INPP5A: variants seen among roughly 807,000 people sequenced by gnomAD.
INPP5A encodes 43 kDa inositol polyphosphate 5-phophatase.
In INPP5A, 14 loss-of-function variants were observed where a neutral mutation model predicts 65.2. The observed-to-expected ratio is 0.21, with a 90% confidence interval of 0.14 to 0.34. INPP5A has a LOEUF of 0.34. Among genes scored for constraint, INPP5A ranks in the 10% least tolerant of loss-of-function variants. INPP5A has a pLI of 1.00. For synonymous variants in INPP5A, 207 were observed against 208.3 expected (o/e 0.99, Z 0.05); for missense variants, 431 against 545.6 (o/e 0.79, Z 2.09).
At position 132,603,970 on chromosome 10, in the gene INPP5A, G is replaced by A. The variant is rs559611419; in HGVS notation, c.76-3945G>A. 2.3e-4 allele frequency among the ~76,000 whole-genome samples: 35 copies of A among 150,818 alleles called. No homozygotes were observed. The highest frequency in any genetic ancestry group is 1.1e-3 in the Admixed American group (16 of 15,182). On this transcript the variant is annotated intron_variant, in intron 1 of 15. Coordinates refer to ENST00000368594, the MANE Select transcript of INPP5A (RefSeq NM_005539.5). This position sits in a 1 kb window ranked among gnomAD's most constrained non-coding sequence, Gnocchi z 4.2. ...AGGTCCCCTCTCCGTCCCGCCCTGC[G>A]CCGTCAGGGTCCCCTCTCCGTCCCG...
At chr10:132,756,436 G>A (rs933254389) in intron 11 of INPP5A, among the ~76,000 whole-genome samples, 4 of 151,138 alleles carry the variant, frequency 2.6e-5, no homozygotes, top group Middle Eastern at 3.4e-3. Context: ...ATACAGTCAC[G>A]TCACATAATG....
intron 11 of INPP5A, among the ~76,000 whole-genome samples, chr10:132,757,285 ACCAGCT>A (rs1846640598): frequency 6.6e-6 from 1 of 152,220 alleles, no homozygotes; most frequent in African/African-American, 2.4e-5. Flanking sequence ...CCGCCCGCTC[ACCAGCT>A]CACCCCGAGC....
chr10:132,549,012 C>T lies in INPP5A; in HGVS notation c.75+10841C>T, dbSNP rs574492192. ...CTCGCTATGTTGCCCAGGCTGGTCT[C>T]GAATTCCTGGCCTCAAGTGATCCTC... On this transcript the variant is annotated intron_variant, in intron 1 of 15. Coordinates refer to ENST00000368594, the MANE Select transcript of INPP5A (RefSeq NM_005539.5). The surrounding 1 kb of genome is among the most constrained non-coding windows in gnomAD (Gnocchi z 4.9). Among the ~76,000 whole-genome samples, 10 of 152,150 alleles carry T rather than the reference C, an allele frequency of 6.6e-5. No individual in the cohort carries two copies. Among genetic ancestry groups the T allele is most frequent in the Non-Finnish European group, 1.2e-4 (8 of 68,006 alleles).
chr10:132,611,689 G>A (rs1590867205), intron 2 of INPP5A, among the ~76,000 whole-genome samples: 1 of 134,066 alleles, frequency 7.5e-6, no homozygotes. Flanking sequence ...GGGTGAGGGA[G>A]GTGAGGTGGG....
chr10:132,610,323 C>G lies in INPP5A; in HGVS notation c.117+2367C>G, dbSNP rs543153215. On this transcript the variant is annotated intron_variant, in intron 2 of 15. Coordinates refer to ENST00000368594, the MANE Select transcript of INPP5A (RefSeq NM_005539.5). The stretch of plus-strand genomic sequence containing the variant: ...TGCGTGGCCCCCCGAATCCTGGGTC[C>G]CCTCTGCCCCTGCAGCTCTGTGGAG... 7.2e-5 allele frequency among the ~76,000 whole-genome samples: 11 copies of G among 152,290 alleles called. No homozygotes were observed. In the South Asian group the frequency reaches 2.1e-3, roughly 29 times the overall value.
chr10:132,689,047 G>T (rs527506418), intron 4 of INPP5A, among the ~76,000 whole-genome samples: 1 of 152,334 alleles, frequency 6.6e-6, no homozygotes, highest in Admixed American at 6.5e-5. Context: ...ATGTTTGCAA[G>T]CGTGTGGTGT....
intron 12 of INPP5A, 61 bp from the exon 13 acceptor site, chr10:132,777,610 C>A (rs1847085448): frequency 2.0e-6 from 3 of 1,477,236 alleles, no homozygotes; most frequent in Admixed American, 1.7e-5. Context: ...CACAGCCGTC[C>A]CTTTGGGGCT....
At chr10:132,687,332 G>T (rs1400596698) in intron 4 of INPP5A, among the ~76,000 whole-genome samples, 1 of 152,332 alleles carries the variant, frequency 6.6e-6, no homozygotes, top group East Asian at 1.9e-4. Context: ...GTGAGATAGC[G>T]GGTCAGTCGA....
At chr10:132,744,739 C>G (rs928129759) in intron 9 of INPP5A, among the ~76,000 whole-genome samples, 1 of 152,182 alleles carries the variant, frequency 6.6e-6, no homozygotes, top group Non-Finnish European at 1.5e-5. Flanking sequence ...ACAGAGGACA[C>G]GGCTCTCAAG....
chr10:132,559,316 G>A (rs1350727283), intron 1 of INPP5A, among the ~76,000 whole-genome samples: 1 of 152,210 alleles, frequency 6.6e-6, no homozygotes, highest in African/African-American at 2.4e-5. Flanking sequence ...TGTCATTTGG[G>A]GAAGCCTGTG....
intron 4 of INPP5A, among the ~76,000 whole-genome samples, chr10:132,679,656 A>G (rs544529331): frequency 3.3e-5 from 5 of 152,340 alleles, no homozygotes; most frequent in African/African-American, 9.6e-5. Context: ...CAAATAAATA[A>G]TTCTGGATTA....
At chr10:132,574,758 T>A (rs180699018) in intron 1 of INPP5A, among the ~76,000 whole-genome samples, 261 of 151,772 alleles carry the variant, frequency 1.7e-3, no homozygotes, top group African/African-American at 5.9e-3. Flanking sequence ...TCGTGGGATC[T>A]TGGCTCACTG....
At chr10:132,780,190 G>C (rs1404765181) in intron 13 of INPP5A, among the ~76,000 whole-genome samples, 5 of 152,228 alleles carry the variant, frequency 3.3e-5, no homozygotes, top group African/African-American at 4.8e-5. Context: ...AGATGCTCCA[G>C]CTGTGGATAT....
At chr10:132,759,749 C>T (rs1846697125) in intron 11 of INPP5A, among the ~76,000 whole-genome samples, 1 of 152,080 alleles carries the variant, frequency 6.6e-6, no homozygotes, top group Admixed American at 6.5e-5. Flanking sequence ...CATCAGTGAC[C>T]CCCTCACCCT....
intron 2 of INPP5A, 109 bp from the exon 3 acceptor site, chr10:132,645,759 T>C: frequency 1.2e-6 from 1 of 805,170 alleles, no homozygotes; most frequent in East Asian, 2.7e-5. Flanking sequence ...GCCCCGTCTC[T>C]GCCAGACCCT....
chr10:132,782,446 A>ACC lies in INPP5A; in HGVS notation c.*417_*418insCC. The ACC allele has an allele frequency of 4.4e-6, 1 of 227,668 alleles. No homozygotes were observed. The highest frequency in any genetic ancestry group is 8.8e-6 in the Non-Finnish European group (1 of 113,074). The allele number at this position is 227,668 out of a possible 1,614,324, so 14.1% of individuals were successfully genotyped here. On this transcript the variant is annotated 3_prime_UTR_variant, in exon 16 of 16. Transcript: ENST00000368594. This position sits in a 1 kb window ranked among gnomAD's most constrained non-coding sequence, Gnocchi z 4.4. The stretch of plus-strand genomic sequence containing the variant: ...GTGGAGGTGTGTCCAGGGGCTGGGG[A>ACC]AGCCGAGACGGGCACTCCCTCTGCC...
rs561038700 is a variant in INPP5A, at chr10:132,761,274, A to G, written c.904-4499A>G. Reference sequence around the variant, plus strand: ...GAGGCAGTAACTTGATGTGAGAAAGAAAGCAAATGCCTAGATTGTCTGGAG... The same window carrying G: ...GAGGCAGTAACTTGATGTGAGAAAGGAAGCAAATGCCTAGATTGTCTGGAG... On this transcript the variant is annotated intron_variant, in intron 11 of 15. Transcript: ENST00000368594. Among the ~76,000 whole-genome samples the G allele has an allele frequency of 2.6e-5, 4 of 152,350 alleles. No homozygotes were observed. In the East Asian group the frequency reaches 5.8e-4, roughly 22 times the overall value.
At chr10:132,624,254 C>G (rs1055686569) in intron 2 of INPP5A, among the ~76,000 whole-genome samples, 6 of 152,218 alleles carry the variant, frequency 3.9e-5, no homozygotes, top group African/African-American at 1.4e-4. Context: ...CTGCGTGGTT[C>G]CATTTCTGGG....
At position 132,627,045 on chromosome 10, in the gene INPP5A, C is replaced by T. The variant is rs1469919674; in HGVS notation, c.118-18823C>T. On this transcript the variant is annotated intron_variant, in intron 2 of 15. Transcript: ENST00000368594. The surrounding 1 kb of genome is among the most constrained non-coding windows in gnomAD (Gnocchi z 6.6). ...GGTGATGGGGTGAGATGAGGTTATG[C>T]GGTGGGCCCCCCGGATGGGATGGGT... Among the ~76,000 whole-genome samples the T allele has an allele frequency of 3.9e-5, 6 of 152,018 alleles. No homozygotes were observed. Among genetic ancestry groups the T allele is most frequent in the South Asian group, 2.1e-4 (1 of 4,820 alleles).
Sources: gnomAD v4.1 joint callset for allele counts (sites outside exome capture counted in the v4.1 genomes callset) on GRCh38, gnomAD v4.1.1 for gene constraint, Gnocchi (gnomAD v3.1) non-coding constraint, MANE v1.5 for transcripts, NCBI Gene and HGNC (gene_info 2026-07-23, HGNC 2026-07-21) for gene names.